Variants in CROCC observed in about 807,000 individuals in gnomAD.
CROCC encodes the protein ciliary rootlet coiled-coil, rootletin.
CROCC carries 180 observed loss-of-function variants against 245.2 expected under a neutral mutation model. That is an observed-to-expected ratio of 0.73 (90% CI 0.65 to 0.83). The LOEUF (loss-of-function observed/expected upper bound fraction) is 0.83, where lower values mean the gene tolerates loss of function less well. CROCC is among the 40% of genes least tolerant of loss of function. The pLI is 0.00. For synonymous variants in CROCC, 1,205 were observed against 1,241.6 expected (o/e 0.97, Z 0.62); for missense variants, 2,688 against 2,779.4 (o/e 0.97, Z 0.74).
At chr1:16,970,901 C>T (rs1205915973) in intron 35 of CROCC, 134 bp downstream of exon 35, 6 of 1,112,922 alleles carry the variant, frequency 5.4e-6, no homozygotes, top group Non-Finnish European at 7.3e-6. Flanking sequence ...TTCCAGTGAC[C>T]CAGCGGGCCA....
At chr1:16,940,141 C>G in intron 13 of CROCC, 48 bp downstream of exon 13, 4 of 1,545,902 alleles carry the variant, frequency 2.6e-6, no homozygotes, top group Non-Finnish European at 3.5e-6. Flanking sequence ...AAGTCACCGT[C>G]TGGGCATAAC....
chr1:16,946,723 G>A (rs1233528368), intron 16 of CROCC, 38 bp from the exon 17 acceptor site: 30 of 1,539,908 alleles, frequency 1.9e-5, no homozygotes, highest in Middle Eastern at 3.4e-4. Context: ...TGGGAGGGAC[G>A]CCCTGCTCAC....
At position 16,930,117 on chromosome 1, in the gene CROCC, T is replaced by C. The variant is rs1557584643; in HGVS notation, c.538-7T>C. On this transcript the variant is annotated splice_polypyrimidine_tract_variant and splice_region_variant and intron_variant, in intron 4 of 36. Transcript: ENST00000375541. Reference sequence around the variant, plus strand: ...CCTGGGGCTCACCATCAGCTCCCCATCCCCAGATTCTCCAGTACAAGAAGA... The same window carrying C: ...CCTGGGGCTCACCATCAGCTCCCCACCCCCAGATTCTCCAGTACAAGAAGA... The C allele has an allele frequency of 1.9e-6, 3 of 1,588,294 alleles. No homozygotes were observed. Among genetic ancestry groups the C allele is most frequent in the Non-Finnish European group, 2.6e-6 (3 of 1,168,178 alleles).
chr1:16,950,895 C>G, intron 19 of CROCC, 58 bp from the exon 20 acceptor site: 2 of 1,428,278 alleles, frequency 1.4e-6, no homozygotes, highest in Non-Finnish European at 1.9e-6. Context: ...CCTAAGTCTG[C>G]TGGCCCAAGG....
intron 35 of CROCC, 141 bp downstream of exon 35, chr1:16,970,908 G>A: frequency 9.8e-7 from 1 of 1,015,734 alleles, no homozygotes. Context: ...GACCCAGCGG[G>A]CCATGGAGGG....
At position 16,946,878 on chromosome 1, in the gene CROCC, C is replaced by T. The variant is rs781364301; in HGVS notation, c.2401C>T (p.Arg801Trp). ...GCTGCGGTTGGAGCAGGAGGTGGCG[C>T]GGCAGGGCCTGGAGGGCTCCCTACG... ...EELRLEQEVARQGLEGSLRVA... is the reference protein window; with the variant it reads ...EELRLEQEVAWQGLEGSLRVA... The change falls in exon 17 of 37, where the codon CGG (arginine) becomes TGG (tryptophan). Residue 801 changes from arginine to tryptophan, a missense_variant. Coordinates refer to ENST00000375541, the MANE Select transcript of CROCC (RefSeq NM_014675.5). 4.8e-5 allele frequency: 75 copies of T among 1,561,150 alleles called. 1 individual carries two copies. The South Asian group carries it at 7.0e-4, about 15-fold the overall frequency.
At chr1:16,969,482 G>C (rs371032280) in intron 32 of CROCC, 142 bp downstream of exon 32, 365 of 884,440 alleles carry the variant, frequency 4.1e-4, no homozygotes, top group Non-Finnish European at 5.9e-4. Context: ...AAGGGAGGGC[G>C]TGGGCCCAGT....
intron 3 of CROCC, among the ~76,000 whole-genome samples, chr1:16,928,495 C>A (rs1350637218): frequency 1.3e-5 from 2 of 152,100 alleles, no homozygotes; most frequent in African/African-American, 4.8e-5. Context: ...ATGGAGGGGA[C>A]CTTTTTTTTT....
intron 9 of CROCC, 138 bp downstream of exon 9, chr1:16,937,011 G>T (rs2075805962): frequency 2.1e-6 from 2 of 947,642 alleles, no homozygotes; most frequent in South Asian, 3.3e-5. Context: ...ATGCACTGAG[G>T]TTCCGAAGGC....
At chr1:16,959,399 G>A (rs1374332623) in intron 26 of CROCC, among the ~76,000 whole-genome samples, 1 of 152,178 alleles carries the variant, frequency 6.6e-6, no homozygotes, top group Non-Finnish European at 1.5e-5. Flanking sequence ...ACCTAAGTCT[G>A]TCTGACTCCA....
At position 16,946,784 on chromosome 1, in the gene CROCC, G is replaced by T. The variant is rs1374282130; in HGVS notation, c.2307G>T (p.Leu769=). The T allele has an allele frequency of 1.5e-5, 23 of 1,551,872 alleles. No individual in the cohort carries two copies. The highest frequency in any genetic ancestry group is 2.0e-5 in the Non-Finnish European group (23 of 1,147,178). Residue 769 remains leucine, a synonymous_variant, in exon 17 of 37, where the codon CTG becomes CTT. Coordinates refer to ENST00000375541, the MANE Select transcript of CROCC (RefSeq NM_014675.5). The part of the protein sequence containing the change: ...VAQLEEEKSA[L]QGRQRQAEQE... ...AGCTGGAGGAAGAAAAGTCCGCCCT[G>T]CAGGGCCGGCAACGGCAGGCAGAGC...
Position 16,924,315 on chromosome 1 carries a change from C to G in CROCC, c.197-10C>G, listed in dbSNP as rs1177813950. Reference sequence around the variant, plus strand: ...CAGAAGCCAACCATGTGCCCACTGTCCCTTGCCAGTCCTGCTGCCGGCCAC... The same window carrying G: ...CAGAAGCCAACCATGTGCCCACTGTGCCTTGCCAGTCCTGCTGCCGGCCAC... On this transcript the variant is annotated splice_polypyrimidine_tract_variant and intron_variant, in intron 2 of 36. Transcript: ENST00000375541. The G allele has an allele frequency of 6.2e-7, 1 of 1,610,902 alleles. No homozygotes were observed. Among genetic ancestry groups the G allele is most frequent in the Non-Finnish European group, 8.5e-7 (1 of 1,179,214 alleles).
intron 3 of CROCC, among the ~76,000 whole-genome samples, chr1:16,926,395 G>C (rs2075535338): frequency 6.6e-6 from 1 of 152,250 alleles, no homozygotes; most frequent in South Asian, 2.1e-4. Flanking sequence ...CTCTGCAGTT[G>C]GGCAACATTC....
chr1:16,924,165 C>G (rs1338517435), intron 2 of CROCC, among the ~76,000 whole-genome samples, 160 bp from the exon 3 acceptor site: 1 of 152,270 alleles, frequency 6.6e-6, no homozygotes, highest in East Asian at 1.9e-4. Context: ...CCCCTCCTTG[C>G]CTTCCTCCCT....
intron 23 of CROCC, 82 bp from the exon 24 acceptor site, chr1:16,955,230 G>C (rs2076229654): frequency 7.2e-7 from 1 of 1,381,216 alleles, no homozygotes; most frequent in African/African-American, 1.4e-5. Context: ...AGGCTCCCTG[G>C]GTCCAGGGAT....
In CROCC at chr1:16,968,158, C is replaced by CG. The variant is rs1557643596; in HGVS notation, c.4861-41dup. ...CCCCAGGGCGTGTGCGGGAGGGCTG[C>CG]GGGGTGCACTGGACGTCTGGGCCTG... On this transcript the variant is annotated intron_variant, in intron 30 of 36. Transcript: ENST00000375541. 9 of 1,529,210 alleles carry CG rather than the reference C, an allele frequency of 5.9e-6. No individual in the cohort carries two copies. In the South Asian group the frequency reaches 1.1e-4, roughly 18 times the overall value. The allele number at this position is 1,529,210 out of a possible 1,614,324, so 94.7% of individuals were successfully genotyped here.
chr1:16,955,427 A>G lies in CROCC; in HGVS notation c.3581A>G (p.Gln1194Arg), dbSNP rs1399563624. Reference sequence around the variant, plus strand: ...GAGAGCCAGGAGGGCCGGGAGGTGCAGCGCCAGGAGGCAGGCGAGCTGCGA... The same window carrying G: ...GAGAGCCAGGAGGGCCGGGAGGTGCGGCGCCAGGAGGCAGGCGAGCTGCGA... The part of the protein sequence containing the change: ...LRESQEGREV[Q>R]RQEAGELRRS... The change falls in exon 24 of 37, where the codon CAG becomes CGG. Residue 1194 changes from glutamine to arginine, a missense_variant. Physicochemically the swap from Gln to Arg is conservative, Grantham distance 43. Around this residue, in one of 9 missense-constraint regions of CROCC, gnomAD observed 1,218 missense variants for 1,286.3 expected, o/e 0.95. Coordinates refer to ENST00000375541, the MANE Select transcript of CROCC (RefSeq NM_014675.5). The G allele has an allele frequency of 6.2e-7, 1 of 1,600,768 alleles. No individual in the cohort carries two copies. Among genetic ancestry groups the G allele is most frequent in the South Asian group, 1.1e-5 (1 of 90,410 alleles).
intron 19 of CROCC, among the ~76,000 whole-genome samples, chr1:16,950,063 C>G (rs2076133276): frequency 6.8e-6 from 1 of 148,050 alleles, no homozygotes. Flanking sequence ...GCCATCACGC[C>G]CAGCCTGTTT....
intron 3 of CROCC, among the ~76,000 whole-genome samples, chr1:16,929,153 C>T (rs546777783): frequency 7.4e-4 from 113 of 152,294 alleles, no homozygotes; most frequent in African/African-American, 2.4e-3. Context: ...ATGCAGGCGC[C>T]GTATAGGGCA....
Sources: gnomAD v4.1 joint callset for allele counts (sites outside exome capture counted in the v4.1 genomes callset) on GRCh38, gnomAD v4.1.1 for gene constraint, gnomAD v4.1.1 regional missense constraint, MANE v1.5 for transcripts, NCBI Gene and HGNC (gene_info 2026-07-23, HGNC 2026-07-21) for gene names.